The following UNC93B1 variants were observed in gnomAD, a reference collection of about 807,000 sequenced individuals.
UNC93B1 encodes protein unc-93 homolog B1.
In UNC93B1, 33 loss-of-function variants were observed where a neutral mutation model predicts 56.8. The observed-to-expected ratio is 0.58, with a 90% CI of 0.44 to 0.78. The LOEUF (loss-of-function observed/expected upper bound fraction) is 0.78. UNC93B1 is among the 30% of genes least tolerant of loss of function. The pLI is 0.00. For synonymous variants in UNC93B1, 334 were observed against 358.6 expected (o/e 0.93, Z 0.77); for missense variants, 673 against 819.5 (o/e 0.82, Z 2.18).
chr11:68,003,574 G>A lies in UNC93B1; in HGVS notation c.238+83C>T. 1 of 1,461,390 alleles carries A rather than the reference G, an allele frequency of 6.8e-7. No homozygotes were observed. The highest frequency in any genetic ancestry group is 9.0e-7 in the Non-Finnish European group (1 of 1,108,932). The allele number at this position is 1,461,390 out of a possible 1,614,324, so 90.5% of individuals were successfully genotyped here. On this transcript the variant is annotated intron_variant, in intron 2 of 10. Coordinates refer to ENST00000227471, the MANE Select transcript of UNC93B1 (RefSeq NM_030930.4). The surrounding 1 kb of genome is among the most constrained non-coding windows in gnomAD (Gnocchi z 4.4). The stretch of plus-strand genomic sequence containing the variant: ...CAGCGGAGGGGAAGTGAGAGCGGGC[G>A]GGAGGCGGCGGCCCGCGGTTTCTGT...
intron 3 of UNC93B1, among the ~76,000 whole-genome samples, chr11:67,999,943 C>T (rs1418036575): frequency 1.3e-5 from 2 of 152,212 alleles, no homozygotes; most frequent in African/African-American, 4.8e-5. Flanking sequence ...GGAGAGTGAC[C>T]CATGGGTGTA....
At chr11:68,000,916 C>T (rs566915463) in intron 3 of UNC93B1, among the ~76,000 whole-genome samples, 2 of 152,166 alleles carry the variant, frequency 1.3e-5, no homozygotes, top group South Asian at 2.1e-4. Context: ...CCAGCACGGC[C>T]GGGCGTGGTG....
intron 9 of UNC93B1, among the ~76,000 whole-genome samples, chr11:67,994,595 C>G (rs111309571): frequency 0.02 from 3,057 of 152,240 alleles, 82 homozygotes; most frequent in South Asian, 0.064. Context: ...GGATATGGAG[C>G]TGGGCAGAGG....
chr11:68,003,488 G>T lies in UNC93B1; in HGVS notation c.238+169C>A. The T allele has an allele frequency of 2.8e-6, 3 of 1,073,934 alleles. No homozygotes were observed. Among genetic ancestry groups the T allele is most frequent in the Non-Finnish European group, 3.8e-6 (3 of 792,970 alleles). 66.5% of individuals were successfully genotyped at this position (1,073,934 alleles called of 1,614,324 possible). ...GCTCTGGCTGGGACCCGGGGACGCT[G>T]CGCTACTTGACCCCCCAACCCCACC... On this transcript the variant is annotated intron_variant, in intron 2 of 10. Coordinates refer to ENST00000227471, the MANE Select transcript of UNC93B1 (RefSeq NM_030930.4). This position sits in a 1 kb window ranked among gnomAD's most constrained non-coding sequence, Gnocchi z 4.4.
chr11:67,992,340 C>G (rs891470081), intron 10 of UNC93B1, among the ~76,000 whole-genome samples: 1 of 152,148 alleles, frequency 6.6e-6, no homozygotes, highest in African/African-American at 2.4e-5. Flanking sequence ...TTTCCAGACA[C>G]GGTCGCTCCG....
In UNC93B1 at chr11:67,999,256, G is replaced by C. The variant is rs770558620; in HGVS notation, c.604C>G (p.Gln202Glu). 1 of 1,613,946 alleles carries C rather than the reference G, an allele frequency of 6.2e-7. No homozygotes were observed. Among genetic ancestry groups the C allele is most frequent in the Non-Finnish European group, 8.5e-7 (1 of 1,179,894 alleles). ...CGCGGAGGCCGCTGCTTCATCCCCT[G>C]CCCATCCTGCTCCTTGTAGTGGGAG... The part of the protein sequence containing the change: ...EYSHYKEQDG[Q>E]GMKQRPPRGS... The change falls in exon 5 of 11, where the codon CAG (glutamine) becomes GAG (glutamate). Residue 202 changes from glutamine (Q) to glutamate (E), a missense_variant. Coordinates refer to ENST00000227471, the MANE Select transcript of UNC93B1 (RefSeq NM_030930.4).
Position 67,998,469 on chromosome 11 carries a change from A to G in UNC93B1, c.688-17T>C. ...GAAGCTCAGCTGCAGAAACAAGGGC[A>G]GTTGGGACCAGACTCAGGCACAGAG... On this transcript the variant is annotated splice_polypyrimidine_tract_variant and intron_variant, in intron 5 of 10. Coordinates refer to ENST00000227471, the MANE Select transcript of UNC93B1 (RefSeq NM_030930.4). 1 of 1,613,468 alleles carries G rather than the reference A, an allele frequency of 6.2e-7. No individual in the cohort carries two copies. The highest frequency in any genetic ancestry group is 8.5e-7 in the Non-Finnish European group (1 of 1,179,570).
intron 8 of UNC93B1, among the ~76,000 whole-genome samples, 160 bp downstream of exon 8, chr11:67,996,442 G>A (rs145915617): frequency 2.0e-5 from 3 of 152,170 alleles, no homozygotes; most frequent in African/African-American, 7.2e-5. Context: ...GTAAAGGGGG[G>A]ACGGGGGTAA....
chr11:68,003,706 G>A lies in UNC93B1; in HGVS notation c.189C>T (p.Asn63=). The change falls in exon 2 of 11, where the codon AAC becomes AAT. Residue 63 remains asparagine (N), a synonymous_variant. Transcript: ENST00000227471. This position sits in a 1 kb window ranked among gnomAD's most constrained non-coding sequence, Gnocchi z 4.4. ...TGCCCCCGGCGCTGGCAGCCAGCAC[G>A]TTCTTGAGCACGCCCAGGCGCTTGC... ...YRRKRLGVLK[N]VLAASAGGML... is the part of the protein sequence containing the mutation. 1 of 1,530,020 alleles carries A rather than the reference G, an allele frequency of 6.5e-7. No homozygotes were observed. Among genetic ancestry groups the A allele is most frequent in the Non-Finnish European group, 8.7e-7 (1 of 1,143,564 alleles). The allele number at this position is 1,530,020 out of a possible 1,614,324, so 94.8% of individuals were successfully genotyped here. A position where few individuals can be genotyped will look rare whatever the true frequency, so the allele number is the denominator to read the frequency against.
intron 8 of UNC93B1, 152 bp from the exon 9 acceptor site, chr11:67,996,036 G>A (rs1447080493): frequency 7.0e-5 from 38 of 540,290 alleles, no homozygotes; most frequent in African/African-American, 5.9e-4. Flanking sequence ...CCCGCATCGT[G>A]GGGGGTGCCT....
rs891269687 is a variant in UNC93B1 at position 67,991,531 on chromosome 11, G to A, written c.*15C>T. 12 of 1,401,004 alleles carry A rather than the reference G, an allele frequency of 8.6e-6. No homozygotes were observed. The highest frequency in any genetic ancestry group is 1.5e-5 in the South Asian group (1 of 64,866). The allele number at this position is 1,401,004 out of a possible 1,614,324, so 86.8% of individuals were successfully genotyped here. The stretch of plus-strand genomic sequence containing the variant: ...CGGCGAGGAGGGAGGCTGAGTCCGG[G>A]GACCAGGCGGCCCCTCACTGCTCCT... On this transcript the variant is annotated 3_prime_UTR_variant, in exon 11 of 11. Transcript: ENST00000227471.
chr11:67,997,628 A>C, intron 7 of UNC93B1, 47 bp downstream of exon 7: 1 of 1,596,632 alleles, frequency 6.3e-7, no homozygotes, highest in Non-Finnish European at 8.5e-7. Flanking sequence ...GGTCCCCAGA[A>C]CCACACTCTG....
In UNC93B1 at chr11:68,003,268, A is replaced by G. The variant is rs1234039304; in HGVS notation, c.239-93T>C. On this transcript the variant is annotated intron_variant, in intron 2 of 10. Transcript: ENST00000227471. The surrounding 1 kb of genome is among the most constrained non-coding windows in gnomAD (Gnocchi z 4.4). ...GCATGCAGGCCTCGCAGGGAGCTCC[A>G]ATCACCGAAGGCATTCCCGCTGACA... 5 of 1,364,518 alleles carry G rather than the reference A, an allele frequency of 3.7e-6. No homozygotes were observed. The highest frequency in any genetic ancestry group is 4.8e-6 in the Non-Finnish European group (5 of 1,035,022). The allele number at this position is 1,364,518 out of a possible 1,614,324, so 84.5% of individuals were successfully genotyped here.
chr11:67,993,161 G>T lies in UNC93B1; in HGVS notation c.1482+515C>A, dbSNP rs1185801223. ...CTGCCACCACGCCCGGCTAATTTTT[G>T]TATTTTTAGTAGAGACGAGGTTTCA... On this transcript the variant is annotated intron_variant, in intron 10 of 10. Coordinates refer to ENST00000227471, the MANE Select transcript of UNC93B1 (RefSeq NM_030930.4). Among the ~76,000 whole-genome samples the T allele has an allele frequency of 2.0e-5, 3 of 151,768 alleles. No individual in the cohort carries two copies. The South Asian group carries it at 6.2e-4, about 32-fold the overall frequency.
chr11:67,995,172 T>A (rs1402032499), intron 9 of UNC93B1, among the ~76,000 whole-genome samples: 1 of 152,172 alleles, frequency 6.6e-6, no homozygotes, highest in South Asian at 2.1e-4. Context: ...TCATGAAAAC[T>A]ATGCCAGGGT....
Position 67,996,668 on chromosome 11 carries a change from G to A in UNC93B1, c.1023C>T (p.Arg341=). The A allele has an allele frequency of 7.1e-6, 11 of 1,551,616 alleles. No individual in the cohort carries two copies. Among genetic ancestry groups the A allele is most frequent in the Non-Finnish European group, 8.7e-6 (10 of 1,146,922 alleles). ...TGTAGATAAAGAAAGGCACGAGGTGGCGCAGGCGGTAGTCACGCACGTGCT... is the reference window on the plus strand; with the variant it reads ...TGTAGATAAAGAAAGGCACGAGGTGACGCAGGCGGTAGTCACGCACGTGCT... ...PFKHVRDYRL[R]HLVPFFIYSG... is the part of the protein sequence containing the mutation. The change falls in exon 8 of 11, where the codon CGC becomes CGT. Residue 341 remains arginine (R), a synonymous_variant. Transcript: ENST00000227471.
rs1856920550 is a variant in UNC93B1 at position 67,995,357 on chromosome 11, C to T, written c.1363+254G>A. Among the ~76,000 whole-genome samples the T allele has an allele frequency of 2.0e-5, 3 of 152,048 alleles. No homozygotes were observed. In the South Asian group the frequency reaches 6.2e-4, roughly 32 times the overall value. On this transcript the variant is annotated intron_variant, in intron 9 of 10. Transcript: ENST00000227471. ...TGGGGTATTAACAGAATGTCCATGG[C>T]ATGGAACCCCCATACCTGTCTCCAG... is the stretch of plus-strand genomic sequence containing the variant.
chr11:67,991,668 C>T lies in UNC93B1; in HGVS notation c.1672G>A (p.Asp558Asn). ...GGCGGCGCCTCCTCCTCCGCGCCGT[C>T]CCCATGCTCGCCCTCCGCGTCGCTC... ...DESDAEGEHG[D>N]GAEEEAPPAG... is the part of the protein sequence containing the mutation. Residue 558 changes from aspartate (D) to asparagine (N), a missense_variant, in exon 11 of 11, where the codon GAC (aspartate) becomes AAC (asparagine). Physicochemically the swap from Asp to Asn is conservative, Grantham distance 23. Transcript: ENST00000227471. 1 of 1,530,704 alleles carries T rather than the reference C, an allele frequency of 6.5e-7. No individual in the cohort carries two copies. Among genetic ancestry groups the T allele is most frequent in the Non-Finnish European group, 8.7e-7 (1 of 1,144,924 alleles). 94.8% of individuals were successfully genotyped at this position (1,530,704 alleles called of 1,614,324 possible).
intron 9 of UNC93B1, among the ~76,000 whole-genome samples, chr11:67,995,062 A>G (rs1275298983): frequency 3.3e-5 from 5 of 152,138 alleles, no homozygotes; most frequent in Admixed American, 6.5e-5. Context: ...TCCTCTCTAT[A>G]CAAAGGCCCA....
Sources: gnomAD v4.1 joint callset for allele counts (sites outside exome capture counted in the v4.1 genomes callset) on GRCh38, gnomAD v4.1.1 for gene constraint, Gnocchi (gnomAD v3.1) non-coding constraint, MANE v1.5 for transcripts, NCBI Gene and HGNC (gene_info 2026-07-23, HGNC 2026-07-21) for gene names.